The following POT1 variants were observed in gnomAD, a reference collection of about 807,000 sequenced individuals.
The protein encoded by POT1 is protection of telomeres protein 1.
In POT1, 47 loss-of-function variants were observed where a neutral mutation model predicts 78.5. That is an observed-to-expected ratio of 0.60 (90% CI 0.47 to 0.76). POT1 has a LOEUF of 0.76. Ranked by LOEUF, POT1 falls within the 30% of genes least tolerant of loss-of-function variation. The pLI, the probability that POT1 is intolerant of heterozygous loss-of-function variation, is 0.00. For synonymous variants in POT1, 259 were observed against 260.7 expected (o/e 0.99, Z 0.06); for missense variants, 646 against 749.9 (o/e 0.86, Z 1.62).
chr7:124,844,699 C>T (rs1795121690), intron 12 of POT1, among the ~76,000 whole-genome samples: 2 of 130,912 alleles, frequency 1.5e-5, no homozygotes, highest in South Asian at 4.9e-4. Context: ...AGTGCCACTG[C>T]ACTCCAGCCT....
At chr7:124,849,583 A>T (rs1276813879) in intron 11 of POT1, among the ~76,000 whole-genome samples, 1 of 152,172 alleles carries the variant, frequency 6.6e-6, no homozygotes, top group African/African-American at 2.4e-5. Context: ...AGCATCTATT[A>T]AAAAATGTGC....
Position 124,823,191 on chromosome 7 carries a change from C to G in POT1, c.*771G>C, listed in dbSNP as rs1314905992. The G allele has an allele frequency of 6.6e-6, 1 of 152,042 alleles. No individual in the cohort carries two copies. Among genetic ancestry groups the G allele is most frequent in the East Asian group, 1.9e-4 (1 of 5,184 alleles). The allele number at this position is 152,042 out of a possible 1,614,324, so 9.4% of individuals were successfully genotyped here. A position where few individuals can be genotyped will look rare whatever the true frequency, so the allele number is the denominator to read the frequency against. On this transcript the variant is annotated 3_prime_UTR_variant, in exon 19 of 19. Transcript: ENST00000357628. Reference sequence around the variant, plus strand: ...CCTAAACATCTGCTGCATTGCCACACCTATTTCGATTCTTTGCCTCATATC... The same window carrying G: ...CCTAAACATCTGCTGCATTGCCACAGCTATTTCGATTCTTTGCCTCATATC...
chr7:124,918,993 A>C (rs1296306208), intron 2 of POT1, among the ~76,000 whole-genome samples: 1 of 152,154 alleles, frequency 6.6e-6, no homozygotes, highest in African/African-American at 2.4e-5. Flanking sequence ...GCTTAACAAC[A>C]GGGATACATT....
chr7:124,844,994 C>G (rs1795130704), intron 12 of POT1, among the ~76,000 whole-genome samples: 1 of 152,132 alleles, frequency 6.6e-6, no homozygotes, highest in South Asian at 2.1e-4. Flanking sequence ...CTGTCTCTCA[C>G]CACATAAATA....
chr7:124,838,764 C>T (rs2116454590), intron 14 of POT1, among the ~76,000 whole-genome samples: 1 of 152,198 alleles, frequency 6.6e-6, no homozygotes, highest in Non-Finnish European at 1.5e-5. Flanking sequence ...CACCATGATG[C>T]CTGGCTAATT....
intron 9 of POT1, among the ~76,000 whole-genome samples, chr7:124,857,520 A>G (rs1795475297): frequency 6.6e-6 from 1 of 152,166 alleles, no homozygotes; most frequent in Admixed American, 6.5e-5. Context: ...TAAAAACCCC[A>G]GGCTCAGCCG....
In POT1 at chr7:124,853,112, G is replaced by A. The variant is rs2116505184; in HGVS notation, c.729C>T (p.Ser243=). The part of the protein sequence containing the change: ...LKVGSFLRIY[S]LHTKLQSMNS... ...TCATTGATTGAAGTTTGGTATGAAGGCTATAGATTCTAAGAAAGCTTCCAA... is the reference window on the plus strand; with the variant it reads ...TCATTGATTGAAGTTTGGTATGAAGACTATAGATTCTAAGAAAGCTTCCAA... The change falls in exon 10 of 19, where the codon AGC becomes AGT. Residue 243 remains serine (S), a synonymous_variant. Coordinates refer to ENST00000357628, the MANE Select transcript of POT1 (RefSeq NM_015450.3). 1 of 1,597,446 alleles carries A rather than the reference G, an allele frequency of 6.3e-7. No homozygotes were observed. The highest frequency in any genetic ancestry group is 1.3e-5 in the African/African-American group (1 of 74,440).
At chr7:124,837,178 T>A in intron 14 of POT1, 1 of 286,370 alleles carries the variant, frequency 3.5e-6, no homozygotes, top group Non-Finnish European at 6.8e-6. Flanking sequence ...CAGTTTCCTC[T>A]TCTGTTTACA....
chr7:124,854,167 T>G (rs1278051498), intron 9 of POT1, among the ~76,000 whole-genome samples: 1 of 152,036 alleles, frequency 6.6e-6, no homozygotes, highest in Admixed American at 6.5e-5. Flanking sequence ...TTACAGATTT[T>G]GGAATATCTG....
intron 6 of POT1, among the ~76,000 whole-genome samples, chr7:124,871,323 A>T (rs549814365): frequency 6.6e-6 from 1 of 152,088 alleles, no homozygotes; most frequent in African/African-American, 2.4e-5. Flanking sequence ...TATTGCTTCA[A>T]GGTTTACAAA....
At chr7:124,877,819 C>T (rs377097483) in intron 6 of POT1, among the ~76,000 whole-genome samples, 32 of 114,784 alleles carry the variant, frequency 2.8e-4, no homozygotes, top group Admixed American at 6.7e-4. Flanking sequence ...CCAGCCTGGG[C>T]GACAGAGAGA....
chr7:124,916,142 AGATT>A (rs1563021648), intron 2 of POT1, among the ~76,000 whole-genome samples: 1 of 152,172 alleles, frequency 6.6e-6, no homozygotes. Flanking sequence ...AAAGTTACTT[AGATT>A]ATCAGATAAA....
At chr7:124,869,600 T>C (rs760821284) in intron 7 of POT1, among the ~76,000 whole-genome samples, 1 of 152,226 alleles carries the variant, frequency 6.6e-6, no homozygotes, top group Non-Finnish European at 1.5e-5. Context: ...TATTTATTTT[T>C]GAGTCAGAGT....
intron 6 of POT1, among the ~76,000 whole-genome samples, chr7:124,881,238 A>C (rs1240990181): frequency 6.6e-6 from 1 of 151,960 alleles, no homozygotes; most frequent in African/African-American, 2.4e-5. Flanking sequence ...ACTACACATC[A>C]GTCATTTCCC....
intron 15 of POT1, among the ~76,000 whole-genome samples, chr7:124,835,040 C>T (rs1363273357): frequency 6.6e-6 from 1 of 151,952 alleles, no homozygotes; most frequent in Non-Finnish European, 1.5e-5. Flanking sequence ...GGGAGTTGAA[C>T]AATGAGAACA....
At chr7:124,877,884 C>T (rs1796029263) in intron 6 of POT1, among the ~76,000 whole-genome samples, 1 of 135,618 alleles carries the variant, frequency 7.4e-6, no homozygotes, top group Non-Finnish European at 1.6e-5. Flanking sequence ...GATCACTTAG[C>T]ATAATGTTCT....
chr7:124,849,695 A>G (rs991218208), intron 11 of POT1, among the ~76,000 whole-genome samples: 2 of 152,190 alleles, frequency 1.3e-5, no homozygotes, highest in African/African-American at 2.4e-5. Flanking sequence ...TATTTGTAAG[A>G]GCAAAAAACT....
At chr7:124,861,544 GTAGGTTGGCC>G (rs1444122238) in intron 8 of POT1, among the ~76,000 whole-genome samples, 1 of 95,656 alleles carries the variant, frequency 1.0e-5, no homozygotes, top group African/African-American at 4.2e-5. Context: ...CTCCCATTCT[GTAGGTTGGCC>G]TGTTCACTCT....
chr7:124,829,219 C>A, intron 16 of POT1, 35 bp downstream of exon 16: 1 of 1,393,442 alleles, frequency 7.2e-7, no homozygotes, highest in Non-Finnish European at 1.0e-6. Context: ...TGTAAACAAA[C>A]AGTTAAAATT....
Sources: allele counts gnomAD v4.1 joint callset (sites outside exome capture counted in the v4.1 genomes callset), GRCh38; gene constraint gnomAD v4.1.1; transcripts MANE v1.5; gene names NCBI Gene and HGNC (gene_info 2026-07-23, HGNC 2026-07-21).